Variants in SBF2 observed in about 807,000 individuals in gnomAD.
SBF2 encodes the protein myotubularin-related protein 13.
Under a neutral mutation model 225.2 loss-of-function variants are expected in SBF2, and 112 were observed. That is an observed-to-expected ratio of 0.50 (90% CI 0.43 to 0.58). The LOEUF is 0.58. Ranked by LOEUF, SBF2 falls within the 20% of genes least tolerant of loss-of-function variation. SBF2 has a pLI of 0.00. For missense variants in SBF2, 1,996 were observed against 2,206.2 expected (o/e 0.90, Z 1.91); for synonymous variants, 763 against 773.3 (o/e 0.99, Z 0.22).
intron 31 of SBF2, chr11:9,808,521 T>C: frequency 2.3e-6 from 1 of 433,166 alleles, no homozygotes; most frequent in Non-Finnish European, 4.3e-6. Context: ...TGCAGATTAA[T>C]GTCTTAATGT....
intron 2 of SBF2, among the ~76,000 whole-genome samples, chr11:10,179,818 G>A (rs1320852994): frequency 6.6e-6 from 1 of 151,822 alleles, no homozygotes; most frequent in Non-Finnish European, 1.5e-5. Context: ...AATTTTCTCT[G>A]GTGGTATGTT....
At chr11:9,840,177 T>C (rs1856021408) in intron 25 of SBF2, among the ~76,000 whole-genome samples, 1 of 150,200 alleles carries the variant, frequency 6.7e-6, no homozygotes, top group Non-Finnish European at 1.5e-5. Context: ...GAGGTTGCAG[T>C]GAGCTGAGAC....
chr11:9,973,623 A>C lies in SBF2; in HGVS notation c.1396-5078T>G, dbSNP rs369178095. Among the ~76,000 whole-genome samples the C allele has an allele frequency of 2.0e-5, 3 of 152,334 alleles. No homozygotes were observed. The South Asian group carries it at 6.2e-4, about 32-fold the overall frequency. On this transcript the variant is annotated intron_variant, in intron 13 of 39. Transcript: ENST00000256190. ...GAATGATTTTTCTCAGACATGAAAA[A>C]GTGACATATACACACATCATCTGGT...
chr11:10,218,710 G>GCAAA (rs1407744277), intron 1 of SBF2, among the ~76,000 whole-genome samples: 1 of 152,168 alleles, frequency 6.6e-6, no homozygotes, highest in Non-Finnish European at 1.5e-5. Flanking sequence ...ACAGGCATTT[G>GCAAA]GTTAATACAC....
At chr11:9,928,067 T>C (rs1864192335) in intron 16 of SBF2, among the ~76,000 whole-genome samples, 2 of 152,160 alleles carry the variant, frequency 1.3e-5, no homozygotes, top group Non-Finnish European at 2.9e-5. Context: ...TTCTTAGATA[T>C]GATACCAAGT....
chr11:9,986,288 T>G (rs1390847716), intron 13 of SBF2, among the ~76,000 whole-genome samples: 1 of 152,116 alleles, frequency 6.6e-6, no homozygotes, highest in East Asian at 1.9e-4. Context: ...AAGGCGGTGC[T>G]AAGAGGAAAG....
At chr11:10,160,920 T>A (rs868183128) in intron 2 of SBF2, among the ~76,000 whole-genome samples, 1 of 152,030 alleles carries the variant, frequency 6.6e-6, no homozygotes, top group African/African-American at 2.4e-5. Flanking sequence ...TCATTACAGG[T>A]TCATGCCTCT....
intron 1 of SBF2, among the ~76,000 whole-genome samples, chr11:10,205,101 A>C (rs1957707681): frequency 6.6e-6 from 1 of 151,932 alleles, no homozygotes; most frequent in Non-Finnish European, 1.5e-5. Context: ...AGGTGCAGCA[A>C]ACCACCACGG....
At chr11:9,860,536 TC>T (rs1353465197) in intron 17 of SBF2, among the ~76,000 whole-genome samples, 2 of 151,938 alleles carry the variant, frequency 1.3e-5, no homozygotes, top group Non-Finnish European at 2.9e-5. Flanking sequence ...TCATCATATT[TC>T]CCAGGCTGGT....
chr11:9,944,270 G>C (rs148449400), intron 16 of SBF2, among the ~76,000 whole-genome samples: 17 of 152,316 alleles, frequency 1.1e-4, no homozygotes, highest in African/African-American at 4.1e-4. Context: ...AAGAGTGAAA[G>C]CAGTTGCAGT....
At chr11:10,300,773 A>G (rs1003567171) in intron 1 of SBF2, among the ~76,000 whole-genome samples, 2 of 150,918 alleles carry the variant, frequency 1.3e-5, no homozygotes, top group Non-Finnish European at 2.9e-5. Context: ...TATTGTAACA[A>G]GCTTCTTTAG....
chr11:9,808,842 A>T, intron 31 of SBF2, 59 bp downstream of exon 31: 1 of 1,281,922 alleles, frequency 7.8e-7, no homozygotes, highest in Non-Finnish European at 1.1e-6. Flanking sequence ...TGAAGAATTT[A>T]AAAATGACCA....
chr11:9,833,165 AT>A (rs2133938586), intron 26 of SBF2, among the ~76,000 whole-genome samples: 1 of 152,306 alleles, frequency 6.6e-6, no homozygotes, highest in East Asian at 1.9e-4. Context: ...CATGAGAACA[AT>A]TTGTTCAAAT....
intron 1 of SBF2, among the ~76,000 whole-genome samples, chr11:10,248,686 A>C (rs988625808): frequency 6.6e-6 from 1 of 152,278 alleles, no homozygotes; most frequent in Non-Finnish European, 1.5e-5. Flanking sequence ...GATTATTAAA[A>C]GTCATGGGAA....
At chr11:9,967,931 G>GTCTCTC in intron 14 of SBF2, among the ~76,000 whole-genome samples, 1 of 115,890 alleles carries the variant, frequency 8.6e-6, no homozygotes, top group African/African-American at 3.2e-5. Context: ...CTGTCTGTCT[G>GTCTCTC]TCTGTCTGTC....
chr11:10,227,821 T>C (rs1958642600), intron 1 of SBF2, among the ~76,000 whole-genome samples: 1 of 151,936 alleles, frequency 6.6e-6, no homozygotes. Context: ...TTTGGTTCCA[T>C]ATGAACTTTA....
intron 2 of SBF2, among the ~76,000 whole-genome samples, chr11:10,193,345 T>C (rs1160887751): frequency 8.2e-5 from 12 of 147,216 alleles, no homozygotes; most frequent in African/African-American, 2.5e-4. Flanking sequence ...AAATCATCAA[T>C]TTCATCTTTT....
rs541623553 is a variant in SBF2 at position 10,179,031 on chromosome 11, C to A, written c.141+14871G>T. On this transcript the variant is annotated intron_variant, in intron 2 of 39. Transcript: ENST00000256190. ...ATGCAGCCATAAAAAATGATGAGTT[C>A]ATGTCCTTTGTAGGGACATGGATGA... Among the ~76,000 whole-genome samples the A allele has an allele frequency of 1.7e-3, 253 of 145,158 alleles. 1 individual carries two copies. Among genetic ancestry groups the A allele is most frequent in the Admixed American group, 4.8e-3 (68 of 14,272 alleles).
chr11:10,063,380 C>T (rs1242583624), intron 2 of SBF2, among the ~76,000 whole-genome samples: 5 of 146,794 alleles, frequency 3.4e-5, no homozygotes, highest in Admixed American at 6.8e-5. Context: ...TTTTTTGAGA[C>T]AGAGTCTTGC....
Sources: allele counts gnomAD v4.1 joint callset (sites outside exome capture counted in the v4.1 genomes callset), GRCh38; gene constraint gnomAD v4.1.1; transcripts MANE v1.5; gene names NCBI Gene and HGNC (gene_info 2026-07-23, HGNC 2026-07-21).